MAP2K6: variants seen among roughly 807,000 people sequenced by gnomAD.
The protein encoded by MAP2K6 is mitogen-activated protein kinase kinase 6, also known as dual specificity mitogen-activated protein kinase kinase 6.
A neutral mutation model predicts 53.7 loss-of-function variants in MAP2K6; 16 were observed. The ratio of observed to expected loss-of-function variants is 0.30; its 90% confidence interval spans 0.20 to 0.45. MAP2K6 has a LOEUF of 0.45. Ranked by LOEUF, MAP2K6 falls within the 20% of genes least tolerant of loss-of-function variation. The probability of loss-of-function intolerance (pLI) is 1.00; values close to 1 mark genes in which losing one functional copy is unlikely to be tolerated. For synonymous variants in MAP2K6, 132 were observed against 143.1 expected (o/e 0.92, Z 0.55); for missense variants, 204 against 411.9 (o/e 0.50, Z 4.37).
At position 69,463,606 on chromosome 17, in the gene MAP2K6, C is replaced by T. The variant is rs563085846; in HGVS notation, c.17-42174C>T. ...CAGCCCCCAGAGTAGCTAGCTCCCTCTCTCTCTCTCTATATATATACACAC... is the reference window on the plus strand; with the variant it reads ...CAGCCCCCAGAGTAGCTAGCTCCCTTTCTCTCTCTCTATATATATACACAC... On this transcript the variant is annotated intron_variant, in intron 1 of 11. Transcript: ENST00000590474. 1.1e-4 allele frequency among the ~76,000 whole-genome samples: 17 copies of T among 148,360 alleles called. No homozygotes were observed. In the East Asian group the frequency reaches 3.4e-3, roughly 29 times the overall value.
chr17:69,482,162 G>A (rs924650477), intron 1 of MAP2K6, among the ~76,000 whole-genome samples: 2 of 152,056 alleles, frequency 1.3e-5, no homozygotes, highest in Non-Finnish European at 2.9e-5. Flanking sequence ...TTTCTGGTTA[G>A]CATCAGATTC....
chr17:69,469,080 C>T (rs948539510), intron 1 of MAP2K6, among the ~76,000 whole-genome samples: 49 of 152,090 alleles, frequency 3.2e-4, no homozygotes, highest in Middle Eastern at 3.2e-3. Context: ...GAGAATAGAC[C>T]CCACTTTCTT....
intron 1 of MAP2K6, among the ~76,000 whole-genome samples, chr17:69,471,223 G>T (rs138197148): frequency 6.6e-6 from 1 of 152,284 alleles, no homozygotes; most frequent in Non-Finnish European, 1.5e-5. Context: ...CTTTCAGTGG[G>T]CTCAAGCATT....
At chr17:69,433,997 C>T (rs777451340) in intron 1 of MAP2K6, 3 of 152,152 alleles carry the variant, frequency 2.0e-5, no homozygotes, top group Non-Finnish European at 4.4e-5. Flanking sequence ...GGGTTTCTTC[C>T]AGCAGCTAGA....
chr17:69,527,935 G>C (rs1043123237), intron 10 of MAP2K6, among the ~76,000 whole-genome samples: 1 of 151,980 alleles, frequency 6.6e-6, no homozygotes, highest in South Asian at 2.1e-4. Context: ...GGCCAAAATG[G>C]TGAAAACCTG....
chr17:69,523,960 G>T (rs1411732919), intron 8 of MAP2K6, among the ~76,000 whole-genome samples: 8 of 152,130 alleles, frequency 5.3e-5, no homozygotes, highest in Non-Finnish European at 1.5e-5. Flanking sequence ...TCCAATGAGG[G>T]CTCACGTTTC....
intron 1 of MAP2K6, among the ~76,000 whole-genome samples, chr17:69,449,553 CTTTCTTTA>C (rs201623373): frequency 0.042 from 4,412 of 105,280 alleles, 165 homozygotes; most frequent in East Asian, 0.15. Context: ...TTCTTTCTTT[CTTTCTTTA>C]TTTCTTTCTT....
In MAP2K6 at chr17:69,542,825, T is replaced by G. The variant is rs1004698299; in HGVS notation, c.*1072T>G. ...ACTCTTTGGCTTTGTTTGTTTGTTT[T>G]CTTCTTCAGTGAAGCAGCCTTACTA... On this transcript the variant is annotated 3_prime_UTR_variant, in exon 12 of 12. Transcript: ENST00000590474. 2 of 152,172 alleles carry G rather than the reference T, an allele frequency of 1.3e-5. No individual in the cohort carries two copies. The highest frequency in any genetic ancestry group is 2.9e-5 in the Non-Finnish European group (2 of 68,028). 9.4% of individuals were successfully genotyped at this position (152,172 alleles called of 1,614,324 possible).
rs573410166 is a variant in MAP2K6 at position 69,464,136 on chromosome 17, G to T, written c.17-41644G>T. On this transcript the variant is annotated intron_variant, in intron 1 of 11. Transcript: ENST00000590474. ...GAGTCTCACTCTTGCTCAGGCTGGAGTGCAGTGGTGTGATCTCAGCTCACT... is the reference window on the plus strand; with the variant it reads ...GAGTCTCACTCTTGCTCAGGCTGGATTGCAGTGGTGTGATCTCAGCTCACT... Among the ~76,000 whole-genome samples, 3 of 151,998 alleles carry T rather than the reference G, an allele frequency of 2.0e-5. No homozygotes were observed. The East Asian group carries it at 5.8e-4, about 30-fold the overall frequency.
intron 2 of MAP2K6, among the ~76,000 whole-genome samples, chr17:69,507,384 A>G (rs1456365146): frequency 6.6e-6 from 1 of 151,978 alleles, no homozygotes. Context: ...AGTTTATCAC[A>G]TTGTGTAAGT....
At chr17:69,487,766 A>G (rs574006446) in intron 1 of MAP2K6, among the ~76,000 whole-genome samples, 1 of 152,342 alleles carries the variant, frequency 6.6e-6, no homozygotes, top group African/African-American at 2.4e-5. Context: ...CTGACTTTGT[A>G]TAGATATGAG....
intron 1 of MAP2K6, among the ~76,000 whole-genome samples, chr17:69,455,697 C>T (rs925516618): frequency 2.0e-5 from 3 of 152,160 alleles, no homozygotes; most frequent in African/African-American, 7.2e-5. Context: ...ATGGTCTCTG[C>T]ATATTCTTGT....
chr17:69,439,254 C>T (rs571497277), intron 1 of MAP2K6, among the ~76,000 whole-genome samples: 8 of 152,312 alleles, frequency 5.3e-5, no homozygotes, highest in African/African-American at 1.9e-4. Flanking sequence ...CCTGCCCTCT[C>T]TCATTCTCAA....
At chr17:69,484,603 T>C (rs1199731510) in intron 1 of MAP2K6, among the ~76,000 whole-genome samples, 2 of 152,106 alleles carry the variant, frequency 1.3e-5, no homozygotes, top group African/African-American at 4.8e-5. Flanking sequence ...TAAAAACGTA[T>C]GCTCACTCAA....
At chr17:69,452,051 G>A (rs1341797013) in intron 1 of MAP2K6, among the ~76,000 whole-genome samples, 1 of 152,094 alleles carries the variant, frequency 6.6e-6, no homozygotes, top group African/African-American at 2.4e-5. Context: ...GAGGCAGTAG[G>A]AATGCGGCAA....
intron 1 of MAP2K6, among the ~76,000 whole-genome samples, chr17:69,492,994 TA>T (rs1908807031): frequency 6.6e-6 from 1 of 151,976 alleles, no homozygotes; most frequent in Non-Finnish European, 1.5e-5. Context: ...CATTTTTTTT[TA>T]ATTGTGAAAA....
At chr17:69,473,264 A>G (rs967835549) in intron 1 of MAP2K6, among the ~76,000 whole-genome samples, 30 of 152,242 alleles carry the variant, frequency 2.0e-4, no homozygotes, top group African/African-American at 7.2e-4. Context: ...AATAATTTGC[A>G]ACTGAAAAAA....
rs1418138983 is a variant in MAP2K6 at position 69,547,385 on chromosome 17, A to G, written c.*5632A>G. The G allele has an allele frequency of 6.6e-6, 1 of 152,252 alleles. No individual in the cohort carries two copies. Among genetic ancestry groups the G allele is most frequent in the Admixed American group, 6.5e-5 (1 of 15,288 alleles). 9.4% of individuals were successfully genotyped at this position (152,252 alleles called of 1,614,324 possible). On this transcript the variant is annotated 3_prime_UTR_variant, in exon 12 of 12. Transcript: ENST00000590474. ...AGTTACTCAGCTCTGCTGTTGTATC[A>G]TGAAAGCATCTATACGCAATACACA...
In MAP2K6 at chr17:69,526,466, A is replaced by G. The variant is rs78217457; in HGVS notation, c.742-104A>G. ...CCCCTACCCCTGGACTTATACTTGA[A>G]CTTTGCCTTGTGTTTCCTGCTGTCT... On this transcript the variant is annotated intron_variant, in intron 9 of 11. Transcript: ENST00000590474. The G allele has an allele frequency of 7.8e-3, 9,908 of 1,266,834 alleles. 661 individuals carry two copies. The Admixed American group carries it at 0.13, about 17-fold the overall frequency. 78.5% of individuals were successfully genotyped at this position (1,266,834 alleles called of 1,614,324 possible).
Sources: allele counts gnomAD v4.1 joint callset (sites outside exome capture counted in the v4.1 genomes callset), GRCh38; gene constraint gnomAD v4.1.1; transcripts MANE v1.5; gene names NCBI Gene and HGNC (gene_info 2026-07-23, HGNC 2026-07-21).